The following GPC3 variants were observed in gnomAD, a reference collection of about 807,000 sequenced individuals.
GPC3 encodes glypican 3.
Under a neutral mutation model 34.4 loss-of-function variants are expected in GPC3, and 3 were observed. That is an observed-to-expected ratio of 0.09 (90% CI 0.04 to 0.23). The LOEUF is 0.23. Among genes scored for constraint, GPC3 ranks in the 10% least tolerant of loss-of-function variants. The pLI is 1.00. For missense variants in GPC3, 351 were observed against 445.6 expected (o/e 0.79, Z 1.91); for synonymous variants, 177 against 174.0 (o/e 1.02, Z -0.13).
intron 3 of GPC3, among the ~76,000 whole-genome samples, chrX:133,732,779 G>T (rs2071473958): frequency 8.9e-6 from 1 of 112,107 alleles, no homozygotes; most frequent in African/African-American, 3.2e-5. Context: ...TCCATTCCCT[G>T]TGCAGCTTTC....
intron 4 of GPC3, among the ~76,000 whole-genome samples, chrX:133,698,626 T>G (rs1326983395): frequency 8.9e-6 from 1 of 112,180 alleles, no homozygotes; most frequent in African/African-American, 3.2e-5. Flanking sequence ...AATTATCATA[T>G]TTTTAACCAC....
chrX:133,693,156 A>AGTGT (rs57735935), intron 4 of GPC3, among the ~76,000 whole-genome samples: 1,239 of 89,378 alleles, frequency 0.014, 14 homozygotes, highest in Non-Finnish European at 0.02. Flanking sequence ...TAATAAGACA[A>AGTGT]GTGTGTGTGT....
At chrX:133,862,912 G>A (rs756243455) in intron 2 of GPC3, among the ~76,000 whole-genome samples, 10 of 112,386 alleles carry the variant, frequency 8.9e-5, no homozygotes, top group East Asian at 8.4e-4. Flanking sequence ...CAAACATCAC[G>A]TAGGGTAGTT....
intron 2 of GPC3, among the ~76,000 whole-genome samples, chrX:133,885,077 C>T (rs1408813006): frequency 1.8e-5 from 2 of 111,979 alleles, no homozygotes; most frequent in Admixed American, 9.5e-5. Context: ...ATATTTTGCT[C>T]TTGCAAACAC....
At chrX:133,941,888 A>C (rs1322468016) in intron 2 of GPC3, among the ~76,000 whole-genome samples, 1 of 112,540 alleles carries the variant, frequency 8.9e-6, no homozygotes, top group Admixed American at 9.4e-5. Context: ...GGGACAAGTT[A>C]TACTTAAATT....
intron 2 of GPC3, among the ~76,000 whole-genome samples, chrX:133,835,037 G>C (rs147021828): frequency 0.075 from 8,339 of 111,661 alleles, 295 homozygotes; most frequent in Middle Eastern, 0.15. Flanking sequence ...TGGTATCCTT[G>C]ATTTTTAAAA....
At chrX:133,638,087 T>G (rs749548962) in intron 6 of GPC3, among the ~76,000 whole-genome samples, 1 of 111,855 alleles carries the variant, frequency 8.9e-6, no homozygotes, top group East Asian at 2.8e-4. Flanking sequence ...GTGTTCATAA[T>G]GAGAAGGGTT....
intron 2 of GPC3, among the ~76,000 whole-genome samples, chrX:133,881,172 A>T (rs1233687654): frequency 5.4e-5 from 6 of 111,931 alleles, no homozygotes; most frequent in African/African-American, 1.9e-4. Context: ...TGGTATTGCA[A>T]AGGGCTTTTC....
chrX:133,628,426 C>T lies in GPC3; in HGVS notation c.1414-31827G>A, dbSNP rs774396045. Reference sequence around the variant, plus strand: ...ATCCCAGCACTTTGGGAGGCTGAGGCGGGCAGATCACCTGAGGTCAGGGGT... The same window carrying T: ...ATCCCAGCACTTTGGGAGGCTGAGGTGGGCAGATCACCTGAGGTCAGGGGT... On this transcript the variant is annotated intron_variant, in intron 6 of 7. Coordinates refer to ENST00000370818, the MANE Select transcript of GPC3 (RefSeq NM_004484.4). 7.2e-5 allele frequency among the ~76,000 whole-genome samples: 8 copies of T among 111,451 alleles called. No homozygotes were observed. The South Asian group carries it at 1.1e-3, about 16-fold the overall frequency.
intron 2 of GPC3, among the ~76,000 whole-genome samples, chrX:133,757,247 T>C (rs1376948233): frequency 8.9e-6 from 1 of 111,824 alleles, no homozygotes; most frequent in East Asian, 2.8e-4. Context: ...CATGTCCTAA[T>C]ATAGCAAGGT....
intron 3 of GPC3, among the ~76,000 whole-genome samples, chrX:133,751,752 G>A (rs779632594): frequency 2.7e-5 from 3 of 112,247 alleles, no homozygotes; most frequent in African/African-American, 9.7e-5. Context: ...ACAAAGTCTG[G>A]GTTTGAATCC....
intron 2 of GPC3, among the ~76,000 whole-genome samples, chrX:133,907,205 G>A (rs2076172645): frequency 9.0e-6 from 1 of 111,428 alleles, no homozygotes; most frequent in Non-Finnish European, 1.9e-5. Flanking sequence ...TTAAATTAAA[G>A]TGAATTAAAA....
intron 5 of GPC3, among the ~76,000 whole-genome samples, chrX:133,675,801 CT>C (rs748306294): frequency 5.4e-5 from 6 of 112,119 alleles, no homozygotes; most frequent in Non-Finnish European, 7.5e-5. Flanking sequence ...AGCAGAGTTC[CT>C]TTTCTATGCT....
At chrX:133,541,611 C>G (rs191943578) in intron 7 of GPC3, among the ~76,000 whole-genome samples, 57 of 112,239 alleles carry the variant, frequency 5.1e-4, no homozygotes, top group Non-Finnish European at 1.3e-4. Context: ...CTCATTTCGC[C>G]TTCATGTCCT....
At chrX:133,825,699 T>A (rs1296707944) in intron 2 of GPC3, among the ~76,000 whole-genome samples, 1 of 111,831 alleles carries the variant, frequency 8.9e-6, no homozygotes, top group Admixed American at 9.5e-5. Flanking sequence ...CAGAAGGTCA[T>A]GTACACATGT....
intron 6 of GPC3, among the ~76,000 whole-genome samples, chrX:133,629,833 T>A (rs2070347176): frequency 9.1e-6 from 1 of 109,922 alleles, no homozygotes; most frequent in Non-Finnish European, 1.9e-5. Flanking sequence ...GGCGGGCAGA[T>A]CACCTGTGGT....
At chrX:133,818,606 T>G (rs112403879) in intron 2 of GPC3, among the ~76,000 whole-genome samples, 9 of 111,556 alleles carry the variant, frequency 8.1e-5, no homozygotes, top group African/African-American at 2.9e-4. Context: ...GAACAACAGG[T>G]AATGAAAAGT....
At chrX:133,641,190 T>C (rs938869429) in intron 6 of GPC3, among the ~76,000 whole-genome samples, 12 of 110,532 alleles carry the variant, frequency 1.1e-4, no homozygotes, top group African/African-American at 3.6e-4. Context: ...AAAAAAGATG[T>C]CCAGGCCAGG....
intron 6 of GPC3, among the ~76,000 whole-genome samples, chrX:133,611,239 T>TG (rs1244495553): frequency 8.3e-5 from 5 of 60,128 alleles, no homozygotes; most frequent in East Asian, 4.6e-4. Flanking sequence ...GGGGGTGTGG[T>TG]GGGGGGTGGA....
Sources: gnomAD v4.1 joint callset for allele counts (sites outside exome capture counted in the v4.1 genomes callset) on GRCh38, gnomAD v4.1.1 for gene constraint, MANE v1.5 for transcripts, NCBI Gene and HGNC (gene_info 2026-07-23, HGNC 2026-07-21) for gene names.